Variants in SLC2A2 observed in about 807,000 individuals in gnomAD.
The protein encoded by SLC2A2 is solute carrier family 2, facilitated glucose transporter member 2.
Under a neutral mutation model 54.5 loss-of-function variants are expected in SLC2A2, and 36 were observed. That is an observed-to-expected ratio of 0.66 (90% CI 0.51 to 0.87). SLC2A2 has a LOEUF of 0.87. SLC2A2 is among the 40% of genes least tolerant of loss of function. The pLI is 0.00. For missense variants in SLC2A2, 543 were observed against 624.3 expected (o/e 0.87, Z 1.39); for synonymous variants, 223 against 219.1 (o/e 1.02, Z -0.16).
intron 1 of SLC2A2, among the ~76,000 whole-genome samples, chr3:171,019,124 C>A (rs9799218): frequency 1.8e-3 from 10 of 5,612 alleles, no homozygotes; most frequent in Non-Finnish European, 2.9e-3. Flanking sequence ...TATATATATA[C>A]GTATGTATAT....
intron 1 of SLC2A2, among the ~76,000 whole-genome samples, chr3:171,020,383 G>C (rs1181221147): frequency 6.6e-6 from 1 of 152,026 alleles, no homozygotes; most frequent in Admixed American, 6.6e-5. Flanking sequence ...AGAATCTCTG[G>C]GGTGGGGATA....
At chr3:171,004,855 T>C (rs1299003474) in intron 7 of SLC2A2, among the ~76,000 whole-genome samples, 1 of 151,994 alleles carries the variant, frequency 6.6e-6, no homozygotes, top group Non-Finnish European at 1.5e-5. Context: ...CAGGAACTGC[T>C]CTTTGCACCT....
At chr3:171,012,181 A>G (rs960411779) in intron 3 of SLC2A2, among the ~76,000 whole-genome samples, 2 of 152,182 alleles carry the variant, frequency 1.3e-5, no homozygotes, top group African/African-American at 4.8e-5. Context: ...AATGTCAGGC[A>G]TTGTTTTAAA....
intron 1 of SLC2A2, among the ~76,000 whole-genome samples, chr3:171,020,618 C>T (rs1216988278): frequency 2.0e-5 from 3 of 152,096 alleles, no homozygotes; most frequent in Non-Finnish European, 2.9e-5. Flanking sequence ...CATAGTGGCT[C>T]ACACCTGTAA....
chr3:171,009,951 G>GTGTGAA lies in SLC2A2; in HGVS notation c.496+6_496+7insTTCACA. The GTGTGAA allele has an allele frequency of 6.4e-7, 1 of 1,567,298 alleles. No individual in the cohort carries two copies. Among genetic ancestry groups the GTGTGAA allele is most frequent in the Non-Finnish European group, 8.7e-7 (1 of 1,155,146 alleles). ...TGTGTGTGTGTGTGTGTGTGTGTGTGACTTACCACAATATAGTCCTGATAT... is the reference window on the plus strand; with the variant it reads ...TGTGTGTGTGTGTGTGTGTGTGTGTGTGTGAAACTTACCACAATATAGTCCTGATAT... On this transcript the variant is annotated splice_region_variant and intron_variant, in intron 4 of 10. Transcript: ENST00000314251.
chr3:171,018,021 C>T (rs114446997), intron 2 of SLC2A2, among the ~76,000 whole-genome samples: 2,692 of 152,126 alleles, frequency 0.018, 77 homozygotes, highest in African/African-American at 0.061. Flanking sequence ...TAGTTTAGGG[C>T]TTCTTAAGGT....
chr3:171,014,007 G>C (rs1036799418), intron 3 of SLC2A2, among the ~76,000 whole-genome samples: 1 of 151,972 alleles, frequency 6.6e-6, no homozygotes, highest in Non-Finnish European at 1.5e-5. Flanking sequence ...TTGGGAGTTG[G>C]GGATGTTGAC....
chr3:171,019,158 T>C (rs1716336149), intron 1 of SLC2A2, among the ~76,000 whole-genome samples: 1 of 105,548 alleles, frequency 9.5e-6, no homozygotes, highest in South Asian at 3.0e-4. Context: ...TATATATACG[T>C]ATGTATATAT....
chr3:171,021,033 A>G (rs1330563385), intron 1 of SLC2A2, among the ~76,000 whole-genome samples: 1 of 152,028 alleles, frequency 6.6e-6, no homozygotes, highest in African/African-American at 2.4e-5. Flanking sequence ...AAATGCATAC[A>G]CACACTATAT....
chr3:171,011,586 T>TA (rs1715883923), intron 3 of SLC2A2, among the ~76,000 whole-genome samples: 2 of 152,182 alleles, frequency 1.3e-5, no homozygotes, highest in Admixed American at 1.3e-4. Context: ...TGTGTTGTTT[T>TA]AAGCCACTAA....
intron 8 of SLC2A2, 111 bp from the exon 9 acceptor site, chr3:170,999,277 A>G: frequency 2.6e-6 from 2 of 758,004 alleles, no homozygotes; most frequent in South Asian, 2.9e-5. Flanking sequence ...ATAACAGATA[A>G]GAGGCAATTC....
chr3:171,026,098 C>T (rs911880964), intron 1 of SLC2A2, among the ~76,000 whole-genome samples: 1 of 152,108 alleles, frequency 6.6e-6, no homozygotes, highest in Non-Finnish European at 1.5e-5. Flanking sequence ...TAATTAGATA[C>T]CATTATTATA....
At position 170,996,532 on chromosome 3, in the gene SLC2A2, G is replaced by C. The variant is rs1053738564; in HGVS notation, c.*1371C>G. 7.6e-6 allele frequency: 3 copies of C among 397,290 alleles called. No individual in the cohort carries two copies. The highest frequency in any genetic ancestry group is 1.3e-5 in the Non-Finnish European group (3 of 225,212). The allele number at this position is 397,290 out of a possible 1,614,324, so 24.6% of individuals were successfully genotyped here. A position where few individuals can be genotyped will look rare whatever the true frequency, so the allele number is the denominator to read the frequency against. ...AGGATTGATCAGTGCTCCAGTTGGT[G>C]GAGAAAACAGCCTAGAGATACGTTA... On this transcript the variant is annotated 3_prime_UTR_variant, in exon 11 of 11. Coordinates refer to ENST00000314251, the MANE Select transcript of SLC2A2 (RefSeq NM_000340.2).
rs1172301415 is a variant in SLC2A2, at chr3:171,006,111, A to T, written c.613-6T>A. 1 of 1,611,240 alleles carries T rather than the reference A, an allele frequency of 6.2e-7. No individual in the cohort carries two copies. Among genetic ancestry groups the T allele is most frequent in the Admixed American group, 1.7e-5 (1 of 59,824 alleles). On this transcript the variant is annotated splice_polypyrimidine_tract_variant and splice_region_variant and intron_variant, in intron 5 of 10. Transcript: ENST00000314251. ...ATAAATTCAAGACCAATAATCTGAA[A>T]ATGCAAGGAGGAAGTATATCAACTA...
intron 4 of SLC2A2, among the ~76,000 whole-genome samples, chr3:171,009,300 C>T (rs570575020): frequency 2.6e-4 from 39 of 152,220 alleles, no homozygotes; most frequent in African/African-American, 8.4e-4. Context: ...GAACCTCCTT[C>T]CTTTATTCTG....
intron 1 of SLC2A2, among the ~76,000 whole-genome samples, chr3:171,021,420 C>T (rs1716459552): frequency 6.6e-6 from 1 of 152,220 alleles, no homozygotes; most frequent in Non-Finnish European, 1.5e-5. Flanking sequence ...TCATTTACTT[C>T]TTAAATTAGT....
At position 170,998,347 on chromosome 3, in the gene SLC2A2, A is replaced by G. The variant is rs760729620; in HGVS notation, c.1220T>C (p.Phe407Ser). ...TGGCCCAATTTCAAAGAAGCTGACAAAGAGGAAGATGGCTATCATGCTCAC... is the reference window on the plus strand; with the variant it reads ...TGGCCCAATTTCAAAGAAGCTGACAGAGAGGAAGATGGCTATCATGCTCAC... ...SYVSMIAIFL[F>S]VSFFEIGPGP... Residue 407 changes from phenylalanine (F) to serine (S), a missense_variant, in exon 10 of 11, where the codon TTT (phenylalanine) becomes TCT (serine). Physicochemically the swap from Phe to Ser is radical, Grantham distance 155 (BLOSUM62 -2). Around this residue, in one of 3 missense-constraint regions of SLC2A2, gnomAD observed 117 missense variants for 179.2 expected, o/e 0.65. Coordinates refer to ENST00000314251, the MANE Select transcript of SLC2A2 (RefSeq NM_000340.2). 1 of 1,613,728 alleles carries G rather than the reference A, an allele frequency of 6.2e-7. No individual in the cohort carries two copies. The highest frequency in any genetic ancestry group is 2.2e-5 in the East Asian group (1 of 44,872).
At chr3:170,999,798 C>T (rs1368637914) in intron 8 of SLC2A2, among the ~76,000 whole-genome samples, 1 of 152,012 alleles carries the variant, frequency 6.6e-6, no homozygotes, top group African/African-American at 2.4e-5. Context: ...GTGAACTATT[C>T]GTTTTAAAAG....
At chr3:171,020,874 A>T (rs1716429055) in intron 1 of SLC2A2, among the ~76,000 whole-genome samples, 1 of 151,384 alleles carries the variant, frequency 6.6e-6, no homozygotes, top group Admixed American at 6.6e-5. Context: ...ACAAAGCAAG[A>T]CCCTGTCTCA....
Sources: allele counts gnomAD v4.1 joint callset (sites outside exome capture counted in the v4.1 genomes callset), GRCh38; gene constraint gnomAD v4.1.1; regional missense constraint gnomAD v4.1.1; transcripts MANE v1.5; gene names NCBI Gene and HGNC (gene_info 2026-07-23, HGNC 2026-07-21).